Variants in GBP6 observed in about 807,000 individuals in gnomAD.
GBP6 encodes guanylate binding protein family member 6.
Under a neutral mutation model 61.5 loss-of-function variants are expected in GBP6, and 54 were observed. That is an observed-to-expected ratio of 0.88 (90% CI 0.71 to 1.10). GBP6 has a LOEUF of 1.10. Among genes scored for constraint, GBP6 ranks in the 50% least tolerant of loss-of-function variants. The pLI, the probability that GBP6 is intolerant of heterozygous loss-of-function variation, is 0.00. For synonymous variants in GBP6, 255 were observed against 273.7 expected, an observed-to-expected ratio of 0.93 and a Z score of 0.67; for missense variants, 748 against 752.8, an observed-to-expected ratio of 0.99 and a Z score of 0.07.
At chr1:89,377,514 C>T (rs1018332256) in intron 3 of GBP6, among the ~76,000 whole-genome samples, 22 of 152,124 alleles carry the variant, frequency 1.4e-4, no homozygotes, top group African/African-American at 5.3e-4. Flanking sequence ...AACATTATAG[C>T]TATGGGTTCC....
Position 89,386,906 on chromosome 1 carries a change from T to C in GBP6, c.*1437T>C, listed in dbSNP as rs188184223. On this transcript the variant is annotated 3_prime_UTR_variant, in exon 11 of 11. Coordinates refer to ENST00000370456, the MANE Select transcript of GBP6 (RefSeq NM_198460.3). ...ATTGTTAGAATCTAAGAAGATTCAG[T>C]TATAGTAATGAGTGGCAGACTGCAA... Among the ~76,000 whole-genome samples the C allele has an allele frequency of 1.4e-4, 21 of 152,288 alleles. No individual in the cohort carries two copies. Among genetic ancestry groups the C allele is most frequent in the Admixed American group, 1.2e-3 (19 of 15,294 alleles).
chr1:89,383,863 C>T, intron 9 of GBP6, 109 bp downstream of exon 9: 2 of 920,330 alleles, frequency 2.2e-6, no homozygotes, highest in East Asian at 2.4e-5. Flanking sequence ...TTCTGTGGAA[C>T]ACACACTCTG....
intron 5 of GBP6, 146 bp from the exon 6 acceptor site, chr1:89,380,240 T>G (rs1372105488): frequency 1.6e-6 from 1 of 635,462 alleles, no homozygotes; most frequent in African/African-American, 1.8e-5. Flanking sequence ...AGCATCAATG[T>G]GCACAGAAGT....
intron 3 of GBP6, among the ~76,000 whole-genome samples, chr1:89,375,035 T>A (rs547968200): frequency 6.6e-5 from 10 of 152,302 alleles, no homozygotes; most frequent in Admixed American, 4.6e-4. Flanking sequence ...GGTTTTCTGT[T>A]CCTGCATTAG....
At chr1:89,374,900 TC>T (rs1652762711) in intron 3 of GBP6, among the ~76,000 whole-genome samples, 1 of 152,080 alleles carries the variant, frequency 6.6e-6, no homozygotes, top group African/African-American at 2.4e-5. Context: ...TAGTTATTTT[TC>T]CTGCTTCTCT....
Position 89,369,628 on chromosome 1 carries a change from C to A in GBP6, c.273C>A (p.His91Gln). Residue 91 changes from histidine (H) to glutamine (Q), a missense_variant, in exon 3 of 11, where the codon CAC becomes CAA. Transcript: ENST00000370456. ...TGCCCCACCCATCCAAGCCAAACCA[C>A]ACCCTGGTCCTTCTGGACACCGAAG... is the stretch of plus-strand genomic sequence containing the variant. ...WCVPHPSKPN[H>Q]TLVLLDTEGL... The A allele has an allele frequency of 1.2e-6, 2 of 1,614,112 alleles. No homozygotes were observed. The highest frequency in any genetic ancestry group is 1.7e-6 in the Non-Finnish European group (2 of 1,179,968).
At chr1:89,371,550 C>A (rs149018498) in intron 3 of GBP6, among the ~76,000 whole-genome samples, 16,246 of 152,146 alleles carry the variant, frequency 0.11, 1,060 homozygotes, top group East Asian at 0.2. Context: ...AAAAGAGAAC[C>A]AAACACAAAA....
At chr1:89,384,019 A>T in intron 9 of GBP6, 74 bp from the exon 10 acceptor site, 2 of 1,390,280 alleles carry the variant, frequency 1.4e-6, no homozygotes, top group Non-Finnish European at 1.9e-6. Context: ...GATTTGGTTT[A>T]GTCTCAGCTC....
intron 5 of GBP6, 64 bp from the exon 6 acceptor site, chr1:89,380,322 T>C (rs1652930651): frequency 6.8e-7 from 1 of 1,470,662 alleles, no homozygotes; most frequent in Admixed American, 1.8e-5. Context: ...CTATCAAAAA[T>C]ACCTTTAGCT....
At chr1:89,384,366 C>T (rs1416088983) in intron 10 of GBP6, 80 bp downstream of exon 10, 1 of 1,136,262 alleles carries the variant, frequency 8.8e-7, no homozygotes, top group African/African-American at 1.6e-5. Context: ...GTTACAGCAA[C>T]ATCATGAAAG....
chr1:89,368,816 A>G, intron 2 of GBP6, 75 bp downstream of exon 2: 1 of 1,387,568 alleles, frequency 7.2e-7, no homozygotes, highest in South Asian at 1.4e-5. Context: ...TCTACCCCAG[A>G]GCACATGAAG....
At chr1:89,370,171 G>T (rs1190779172) in intron 3 of GBP6, among the ~76,000 whole-genome samples, 1 of 152,214 alleles carries the variant, frequency 6.6e-6, no homozygotes, top group Non-Finnish European at 1.5e-5. Flanking sequence ...ATCACTGGAA[G>T]TCTGCCCTGG....
chr1:89,367,497 T>G (rs535878521), intron 1 of GBP6, among the ~76,000 whole-genome samples: 74 of 152,316 alleles, frequency 4.9e-4, no homozygotes, highest in African/African-American at 1.7e-3. Flanking sequence ...TCTATCCATT[T>G]TTGAATTTTT....
rs777420335 is a variant in GBP6 at position 89,381,966 on chromosome 1, A to T, written c.1144A>T (p.Lys382Ter). 2 of 1,606,974 alleles carry T rather than the reference A, an allele frequency of 1.2e-6. No homozygotes were observed. The highest frequency in any genetic ancestry group is 2.2e-5 in the South Asian group (2 of 90,406). ...FKDENQEFQKKFMETTMNKKG... is the reference protein window; with the variant it reads ...FKDENQEFQK Reference sequence around the variant, plus strand: ...GGATGAAAATCAGGAATTCCAGAAGAAGTTCATGGTAATTTGCCTTAGTCA... The same window carrying T: ...GGATGAAAATCAGGAATTCCAGAAGTAGTTCATGGTAATTTGCCTTAGTCA... Residue 382 changes from lysine to a stop codon, truncating the protein, a stop_gained, in exon 7 of 11, where the codon AAG becomes TAG. Transcript: ENST00000370456. LOFTEE classifies it high-confidence loss of function.
rs2100679349 is a variant in GBP6, at chr1:89,387,028, T to C, written c.*1559T>C. Among the ~76,000 whole-genome samples, 1 of 152,298 alleles carries C rather than the reference T, an allele frequency of 6.6e-6. No individual in the cohort carries two copies. The highest frequency in any genetic ancestry group is 1.9e-4 in the East Asian group (1 of 5,186). ...AAACAATCAAGTGAAGTAAATGCTG[T>C]CTATCAGGATGTTGAGAGGTAGCCC... On this transcript the variant is annotated 3_prime_UTR_variant, in exon 11 of 11. Transcript: ENST00000370456.
chr1:89,385,381 C>T lies in GBP6; in HGVS notation c.1814C>T (p.Thr605Ile). The change falls in exon 11 of 11, where the codon ACT (threonine) becomes ATT (isoleucine). Residue 605 changes from threonine to isoleucine, a missense_variant. Thr to Ile is a moderately conservative substitution (Grantham distance 89). Transcript: ENST00000370456. ...TTGGACAACCTTGCCGATGAGCTAA[C>T]TGCAATATTGTCTGCTCCTGCTAAA... ...RTLDNLADELTAILSAPAKLI... is the reference protein window; with the variant it reads ...RTLDNLADELIAILSAPAKLI... 1 of 1,614,142 alleles carries T rather than the reference C, an allele frequency of 6.2e-7. No homozygotes were observed. The highest frequency in any genetic ancestry group is 1.3e-5 in the African/African-American group (1 of 75,026).
At position 89,380,376 on chromosome 1, in the gene GBP6, T is replaced by A. The variant is rs113474057; in HGVS notation, c.626-10T>A. The A allele has an allele frequency of 7.5e-3, 11,905 of 1,590,400 alleles. 741 individuals are homozygous for A. In the African/African-American group the frequency reaches 0.14, roughly 18 times the overall value. On this transcript the variant is annotated splice_polypyrimidine_tract_variant and intron_variant, in intron 5 of 10. Coordinates refer to ENST00000370456, the MANE Select transcript of GBP6 (RefSeq NM_198460.3). ...TTTCACTATATTCTCTGTTTTTTTT[T>A]ATCCCTCAGGCAATAATCCCAGAGT...
In GBP6 at chr1:89,368,540, TTGGCAGTTGCC is replaced by T; in HGVS notation, c.-11_-1del. On this transcript the variant is annotated 5_prime_UTR_variant, in exon 2 of 11. Coordinates refer to ENST00000370456, the MANE Select transcript of GBP6 (RefSeq NM_198460.3). ...ATTTCTACTGGGAGGCTCTTCTAGG[TTGGCAGTTGCC>T]ATGGAATCTGGACCCAAAATGTTGG... 1 of 1,611,742 alleles carries T rather than the reference TTGGCAGTTGCC, an allele frequency of 6.2e-7. No individual in the cohort carries two copies. The highest frequency in any genetic ancestry group is 8.5e-7 in the Non-Finnish European group (1 of 1,178,454).
chr1:89,380,640 C>G lies in GBP6; in HGVS notation c.871+9C>G. 6.2e-7 allele frequency: 1 copy of G among 1,611,114 alleles called. No homozygotes were observed. Among genetic ancestry groups the G allele is most frequent in the African/African-American group, 1.3e-5 (1 of 74,858 alleles). On this transcript the variant is annotated intron_variant, in intron 6 of 10. Coordinates refer to ENST00000370456, the MANE Select transcript of GBP6 (RefSeq NM_198460.3). ...CACAGTCACTGGGAATCGTGAGTCT[C>G]CTTTTTACTTTTCTGTGGGGCCTCA...
Sources: allele counts gnomAD v4.1 joint callset (sites outside exome capture counted in the v4.1 genomes callset), GRCh38; gene constraint gnomAD v4.1.1; transcripts MANE v1.5; gene names NCBI Gene and HGNC (gene_info 2026-07-23, HGNC 2026-07-21).